Variants in STX16 observed in about 807,000 individuals in gnomAD.
STX16 encodes the protein syntaxin-16.
Under a neutral mutation model 42.7 loss-of-function variants are expected in STX16, and 28 were observed. The observed-to-expected ratio is 0.66, with a 90% CI of 0.49 to 0.90. STX16 has a LOEUF of 0.90. Among genes scored for constraint, STX16 ranks in the 40% least tolerant of loss-of-function variants. The pLI is 0.00. For missense variants in STX16, 361 were observed against 420.9 expected (o/e 0.86, Z 1.24); for synonymous variants, 156 against 155.2 (o/e 1.00, Z -0.04).
At chr20:58,655,955 G>C (rs1392830017) in intron 1 of STX16, among the ~76,000 whole-genome samples, 1 of 152,114 alleles carries the variant, frequency 6.6e-6, no homozygotes, top group African/African-American at 2.4e-5. Context: ...AAATACAGTC[G>C]TATTTCCCAT....
intron 1 of STX16, among the ~76,000 whole-genome samples, chr20:58,654,470 G>T (rs1244352594): frequency 6.6e-6 from 1 of 152,170 alleles, no homozygotes; most frequent in Non-Finnish European, 1.5e-5. Flanking sequence ...ACAGTACGGC[G>T]AAATGCTAAC....
At position 58,651,809 on chromosome 20, in the gene STX16, A is replaced by G; in HGVS notation, c.-198A>G. The G allele has an allele frequency of 1.8e-6, 1 of 567,870 alleles. No individual in the cohort carries two copies. 35.2% of individuals were successfully genotyped at this position (567,870 alleles called of 1,614,324 possible). On this transcript the variant is annotated 5_prime_UTR_variant, in exon 1 of 9. Coordinates refer to ENST00000371141, the MANE Select transcript of STX16 (RefSeq NM_001001433.3). ...GGTAGGGGGAGTCAGACAATTGGAA[A>G]GCCTAGGTAGTTATTTGGGGAGGGG...
At chr20:58,653,285 T>C (rs927410433) in intron 1 of STX16, among the ~76,000 whole-genome samples, 1 of 152,350 alleles carries the variant, frequency 6.6e-6, no homozygotes, top group African/African-American at 2.4e-5. Flanking sequence ...TTTATCTAAA[T>C]GCTTCAGGAA....
intron 1 of STX16, among the ~76,000 whole-genome samples, chr20:58,655,604 A>G (rs888863529): frequency 6.6e-6 from 1 of 152,162 alleles, no homozygotes; most frequent in Non-Finnish European, 1.5e-5. Flanking sequence ...AATGATGGAA[A>G]ATGCCAGCAG....
Position 58,658,505 on chromosome 20 carries a change from G to A in STX16, c.133-1118G>A, listed in dbSNP as rs1423088648. On this transcript the variant is annotated intron_variant, in intron 1 of 8. Coordinates refer to ENST00000371141, the MANE Select transcript of STX16 (RefSeq NM_001001433.3). ...TAATGTCATCTAATTGAATTTTTAC[G>A]TGGAGTAAAGTTTGATTACATTTTT... Among the ~76,000 whole-genome samples, 7 of 152,198 alleles carry A rather than the reference G, an allele frequency of 4.6e-5. No homozygotes were observed. The South Asian group carries it at 6.2e-4, about 14-fold the overall frequency.
chr20:58,663,165 C>T (rs764063441), intron 2 of STX16, among the ~76,000 whole-genome samples: 3 of 152,290 alleles, frequency 2.0e-5, no homozygotes, highest in South Asian at 2.1e-4. Context: ...CAATGCGTTA[C>T]GGCTAAACTT....
chr20:58,663,640 A>ATT (rs760264867), intron 2 of STX16, among the ~76,000 whole-genome samples: 1 of 146,800 alleles, frequency 6.8e-6, no homozygotes, highest in African/African-American at 2.5e-5. Context: ...AAAAATATGG[A>ATT]TTTTTTTTTT....
At chr20:58,670,088 A>T (rs2083933378) in intron 5 of STX16, among the ~76,000 whole-genome samples, 1 of 152,234 alleles carries the variant, frequency 6.6e-6, no homozygotes, top group South Asian at 2.1e-4. Flanking sequence ...GACAACTGGC[A>T]TATTTGTATT....
chr20:58,652,070 C>T lies in STX16; in HGVS notation c.64C>T (p.Gln22Ter). 6.2e-7 allele frequency: 1 copy of T among 1,614,212 alleles called. No individual in the cohort carries two copies. The highest frequency in any genetic ancestry group is 8.5e-7 in the Non-Finnish European group (1 of 1,180,030). Residue 22 changes from glutamine (Q) to a stop codon, truncating the protein, a stop_gained, in exon 1 of 9, where the codon CAG (glutamine) becomes TAG (stop). Coordinates refer to ENST00000371141, the MANE Select transcript of STX16 (RefSeq NM_001001433.3). LOFTEE classifies it high-confidence loss of function. ...LLRNNSIQNR[Q>*]LLAEQVSSHI... Reference sequence around the variant, plus strand: ...GCGGAATAATTCCATCCAAAACCGGCAGCTGTTAGCCGAGCAAGTGAGTAG... The same window carrying T: ...GCGGAATAATTCCATCCAAAACCGGTAGCTGTTAGCCGAGCAAGTGAGTAG...
At position 58,651,867 on chromosome 20, in the gene STX16, C is replaced by G. The variant is rs2083463601; in HGVS notation, c.-140C>G. On this transcript the variant is annotated 5_prime_UTR_variant, in exon 1 of 9. The change creates a new upstream start codon in the 5' untranslated region. Transcript: ENST00000371141. ...GCCTTGGCGAAGCGCACAGCTGCAT[C>G]TTTTTGGCTTGAGGCCTGAGGCCTT... 1.2e-6 allele frequency: 1 copy of G among 853,314 alleles called. No homozygotes were observed. Among genetic ancestry groups the G allele is most frequent in the African/African-American group, 1.7e-5 (1 of 59,538 alleles). 52.9% of individuals were successfully genotyped at this position (853,314 alleles called of 1,614,324 possible). A position where few individuals can be genotyped will look rare whatever the true frequency, so the allele number is the denominator to read the frequency against.
At position 58,673,655 on chromosome 20, in the gene STX16, T is replaced by C; in HGVS notation, c.817T>C (p.Tyr273His). The C allele has an allele frequency of 1.9e-6, 3 of 1,613,472 alleles. No individual in the cohort carries two copies. The highest frequency in any genetic ancestry group is 2.5e-6 in the Non-Finnish European group (3 of 1,179,392). ...GGGTACAGTCCTTGACAGAATTGAC[T>C]ATAACGTTGAACAGTCCTGTATCAA... ...EQGTVLDRID[Y>H]NVEQSCIKTE... is the part of the protein sequence containing the mutation. The change falls in exon 8 of 9, where the codon TAT becomes CAT. Residue 273 changes from tyrosine (Y) to histidine (H), a missense_variant. Transcript: ENST00000371141.
At chr20:58,669,474 G>C (rs775846701) in intron 5 of STX16, 21 bp downstream of exon 5, 2 of 1,586,472 alleles carry the variant, frequency 1.3e-6, no homozygotes, top group East Asian at 4.5e-5. Context: ...CCCGGGCCTA[G>C]TGAAGGGATT....
chr20:58,677,718 A>G lies in STX16; in HGVS notation c.*1427A>G, dbSNP rs1370654935. On this transcript the variant is annotated 3_prime_UTR_variant, in exon 9 of 9. Coordinates refer to ENST00000371141, the MANE Select transcript of STX16 (RefSeq NM_001001433.3). ...GTGCTGTTTTATTTGGACCAGTCAC[A>G]CAAAATGTCTCTCTAGAGTTGACTT... The G allele has an allele frequency of 6.6e-6, 1 of 152,236 alleles. No individual in the cohort carries two copies. The highest frequency in any genetic ancestry group is 1.5e-5 in the Non-Finnish European group (1 of 68,042). 9.4% of individuals were successfully genotyped at this position (152,236 alleles called of 1,614,324 possible). A position where few individuals can be genotyped will look rare whatever the true frequency, so the allele number is the denominator to read the frequency against.
Position 58,677,669 on chromosome 20 carries a change from A to T in STX16, c.*1378A>T, listed in dbSNP as rs750137163. The T allele has an allele frequency of 3.9e-5, 6 of 152,224 alleles. No individual in the cohort carries two copies. The highest frequency in any genetic ancestry group is 7.2e-5 in the African/African-American group (3 of 41,446). The allele number at this position is 152,224 out of a possible 1,614,324, so 9.4% of individuals were successfully genotyped here. On this transcript the variant is annotated 3_prime_UTR_variant, in exon 9 of 9. Transcript: ENST00000371141. The stretch of plus-strand genomic sequence containing the variant: ...TGTTTTTGCTTCTCTTAAAAAGTTT[A>T]AGAAGAATATGACCTCATTAAATGT...
chr20:58,669,683 C>T (rs141632143), intron 5 of STX16, among the ~76,000 whole-genome samples: 145 of 152,290 alleles, frequency 9.5e-4, no homozygotes, highest in Non-Finnish European at 1.7e-3. Context: ...CAAGATAGTT[C>T]AGCATCTCAG....
At chr20:58,675,312 C>T (rs946763531) in intron 8 of STX16, among the ~76,000 whole-genome samples, 1 of 152,208 alleles carries the variant, frequency 6.6e-6, no homozygotes, top group African/African-American at 2.4e-5. Context: ...CCCGCTGTCT[C>T]CTCCTCCCTC....
At position 58,651,960 on chromosome 20, in the gene STX16, A is replaced by T. The variant is rs781149056; in HGVS notation, c.-47A>T. The T allele has an allele frequency of 6.9e-6, 11 of 1,601,922 alleles. No homozygotes were observed. Among genetic ancestry groups the T allele is most frequent in the Non-Finnish European group, 8.5e-6 (10 of 1,169,822 alleles). ...GAAAGAAAGTGAATAAATCAGGAATATAAGTGGGCGGGGGGCCCCTGAGAG... is the reference window on the plus strand; with the variant it reads ...GAAAGAAAGTGAATAAATCAGGAATTTAAGTGGGCGGGGGGCCCCTGAGAG... On this transcript the variant is annotated 5_prime_UTR_variant, in exon 1 of 9. Coordinates refer to ENST00000371141, the MANE Select transcript of STX16 (RefSeq NM_001001433.3).
Position 58,662,718 on chromosome 20 carries a change from G to T in STX16, c.144+3084G>T, listed in dbSNP as rs532127626. Among the ~76,000 whole-genome samples the T allele has an allele frequency of 7.2e-5, 11 of 152,158 alleles. No homozygotes were observed. The South Asian group carries it at 1.7e-3, about 23-fold the overall frequency. ...ATTTTTGTATTTTTTAGTAGAGACGGAGTTTTGACATGTTGCTCAGGCTGG... is the reference window on the plus strand; with the variant it reads ...ATTTTTGTATTTTTTAGTAGAGACGTAGTTTTGACATGTTGCTCAGGCTGG... On this transcript the variant is annotated intron_variant, in intron 2 of 8. Coordinates refer to ENST00000371141, the MANE Select transcript of STX16 (RefSeq NM_001001433.3).
chr20:58,664,997 G>C (rs576573536), intron 2 of STX16, among the ~76,000 whole-genome samples: 1 of 152,330 alleles, frequency 6.6e-6, no homozygotes, highest in East Asian at 1.9e-4. Flanking sequence ...TTCAAGTTCT[G>C]TTCCAGTCCA....
Sources: gnomAD v4.1 joint callset for allele counts (sites outside exome capture counted in the v4.1 genomes callset) on GRCh38, gnomAD v4.1.1 for gene constraint, MANE v1.5 for transcripts, NCBI Gene and HGNC (gene_info 2026-07-23, HGNC 2026-07-21) for gene names.